The following GALNT13 variants were observed in gnomAD, a reference collection of about 807,000 sequenced individuals.
GALNT13 encodes the protein UDP-GalNAc:polypeptide N-acetylgalactosaminyltransferase 13.
In GALNT13, 28 loss-of-function variants were observed where a neutral mutation model predicts 64.2. That is an observed-to-expected ratio of 0.44 (90% CI 0.32 to 0.60). The LOEUF (loss-of-function observed/expected upper bound fraction) is 0.60, where lower values mean the gene tolerates loss of function less well. GALNT13 is among the 20% of genes least tolerant of loss of function. The probability of loss-of-function intolerance (pLI) is 0.05; values close to 1 mark genes in which losing one functional copy is unlikely to be tolerated. For synonymous variants in GALNT13, 214 were observed against 224.6 expected (o/e 0.95, Z 0.42); for missense variants, 577 against 669.8 (o/e 0.86, Z 1.53).
At chr2:153,922,488 T>G (rs1050271573) in intron 2 of GALNT13, among the ~76,000 whole-genome samples, 1 of 152,196 alleles carries the variant, frequency 6.6e-6, no homozygotes, top group South Asian at 2.1e-4. Context: ...ACAGAAAATG[T>G]ATGGACTGTT....
At chr2:153,285,960 CAAGAG>C in the GALNT13 span, among the ~76,000 whole-genome samples, 3 of 151,984 alleles carry the variant, frequency 2.0e-5, no homozygotes, top group Admixed American at 2.0e-4. Flanking sequence ...CTATGAAACA[CAAGAG>C]AATAAATTCA....
At chr2:153,983,379 G>C (rs1372210434) in intron 3 of GALNT13, among the ~76,000 whole-genome samples, 40 of 151,704 alleles carry the variant, frequency 2.6e-4, no homozygotes, top group Admixed American at 2.6e-3. Flanking sequence ...TAAAAGTTGT[G>C]ATAAATGGTA....
At chr2:153,857,519 G>C in the GALNT13 span, among the ~76,000 whole-genome samples, 2 of 152,102 alleles carry the variant, frequency 1.3e-5, no homozygotes, top group Non-Finnish European at 1.5e-5. Flanking sequence ...CAGGGCCAAA[G>C]CATTCGTAAA....
chr2:153,223,612 T>TA, the GALNT13 span, among the ~76,000 whole-genome samples: 1 of 151,822 alleles, frequency 6.6e-6, no homozygotes, highest in Non-Finnish European at 1.5e-5. Context: ...CAAAAGAAAT[T>TA]AAAAAAATAT....
chr2:154,388,789 C>T (rs1231249048), intron 9 of GALNT13, among the ~76,000 whole-genome samples: 2 of 152,082 alleles, frequency 1.3e-5, no homozygotes, highest in Non-Finnish European at 2.9e-5. Flanking sequence ...ATAAAGTCCA[C>T]TTTCTATTTG....
chr2:154,242,156 A>G lies in GALNT13; in HGVS notation c.438A>G (p.Leu146=), dbSNP rs1031566355. ...TGATAAATCGTTCCCCACACTATCT[A>G]CTCTCAGAGGTCATCTTGGTAGATG... ...YSVINRSPHY[L]LSEVILVDDA... is the part of the protein sequence containing the mutation. The change falls in exon 5 of 13, where the codon CTA becomes CTG. Residue 146 remains leucine, a synonymous_variant. Coordinates refer to ENST00000392825, the MANE Select transcript of GALNT13 (RefSeq NM_052917.4). 2 of 1,612,294 alleles carry G rather than the reference A, an allele frequency of 1.2e-6. No individual in the cohort carries two copies. Among genetic ancestry groups the G allele is most frequent in the African/African-American group, 1.3e-5 (1 of 74,700 alleles).
chr2:154,210,598 A>G (rs931158256), intron 4 of GALNT13, among the ~76,000 whole-genome samples: 4 of 152,180 alleles, frequency 2.6e-5, no homozygotes, highest in Non-Finnish European at 4.4e-5. Context: ...CACAAAACCT[A>G]CAGGGTCCTA....
chr2:153,664,429 CT>C, the GALNT13 span, among the ~76,000 whole-genome samples: 2 of 152,174 alleles, frequency 1.3e-5, no homozygotes, highest in South Asian at 2.1e-4. Flanking sequence ...CGCTGTTATC[CT>C]GTTCTTTTTT....
At chr2:153,910,314 A>G (rs893446413) in intron 2 of GALNT13, among the ~76,000 whole-genome samples, 3 of 151,388 alleles carry the variant, frequency 2.0e-5, no homozygotes, top group East Asian at 3.9e-4. Context: ...GATTGTGTTT[A>G]TCTTCTATCT....
the GALNT13 span, among the ~76,000 whole-genome samples, chr2:153,839,693 T>G: frequency 4.0e-4 from 61 of 152,108 alleles, no homozygotes; most frequent in African/African-American, 1.3e-3. Flanking sequence ...AATAGATGGT[T>G]AATTTTTCTG....
At chr2:153,334,095 G>A in the GALNT13 span, among the ~76,000 whole-genome samples, 1 of 152,026 alleles carries the variant, frequency 6.6e-6, no homozygotes. Context: ...CAGGAAAAGT[G>A]GCAGAAACTT....
chr2:153,338,786 C>T, the GALNT13 span, among the ~76,000 whole-genome samples: 11 of 152,276 alleles, frequency 7.2e-5, no homozygotes, highest in African/African-American at 2.4e-4. Flanking sequence ...TCCTGCCCCT[C>T]GCCCTTGGCC....
At chr2:154,385,195 C>T (rs1698452531) in intron 9 of GALNT13, among the ~76,000 whole-genome samples, 2 of 151,932 alleles carry the variant, frequency 1.3e-5, no homozygotes, top group African/African-American at 4.8e-5. Flanking sequence ...AATTTTAAAG[C>T]ACTTTAGGAA....
At chr2:154,065,621 T>C (rs1700420868) in intron 3 of GALNT13, among the ~76,000 whole-genome samples, 1 of 152,184 alleles carries the variant, frequency 6.6e-6, no homozygotes. Context: ...ACCAACGCGG[T>C]ACCTCTGTGA....
At chr2:153,868,242 T>A (rs1336710647), upstream of GALNT13, among the ~76,000 whole-genome samples, 1 of 152,120 alleles carries the variant, frequency 6.6e-6, no homozygotes, top group Non-Finnish European at 1.5e-5. Context: ...AACCCTAAGT[T>A]TTGTGCAGGC....
intron 3 of GALNT13, among the ~76,000 whole-genome samples, chr2:154,131,791 G>A (rs999362993): frequency 2.0e-5 from 3 of 152,184 alleles, no homozygotes; most frequent in Admixed American, 6.5e-5. Flanking sequence ...TAGGCTGTCT[G>A]TAAGCTGAGG....
At chr2:153,555,692 A>G in the GALNT13 span, among the ~76,000 whole-genome samples, 1 of 152,162 alleles carries the variant, frequency 6.6e-6, no homozygotes, top group Non-Finnish European at 1.5e-5. Context: ...GAAATGTGGC[A>G]GAGTTGAACA....
At chr2:153,798,020 G>C in the GALNT13 span, among the ~76,000 whole-genome samples, 1 of 152,162 alleles carries the variant, frequency 6.6e-6, no homozygotes, top group East Asian at 1.9e-4. Flanking sequence ...AGAATCTCAA[G>C]TTATTTCAGA....
the GALNT13 span, among the ~76,000 whole-genome samples, chr2:153,548,847 C>A: frequency 6.6e-6 from 1 of 152,144 alleles, no homozygotes; most frequent in Non-Finnish European, 1.5e-5. Flanking sequence ...CAGCATGATT[C>A]ATAACACTCC....
Sources: allele counts gnomAD v4.1 joint callset (sites outside exome capture counted in the v4.1 genomes callset), GRCh38; gene constraint gnomAD v4.1.1; transcripts MANE v1.5; gene names NCBI Gene and HGNC (gene_info 2026-07-23, HGNC 2026-07-21).